PSD3: variants seen among roughly 807,000 people sequenced by gnomAD.
PSD3 encodes the protein PH and SEC7 domain-containing protein 3.
A neutral mutation model predicts 105.5 loss-of-function variants in PSD3; 49 were observed. The observed-to-expected ratio is 0.46, with a 90% CI of 0.37 to 0.59. The LOEUF (loss-of-function observed/expected upper bound fraction) is 0.59. Ranked by LOEUF, PSD3 falls within the 20% of genes least tolerant of loss-of-function variation. The pLI, the probability that PSD3 is intolerant of heterozygous loss-of-function variation, is 0.00. For missense variants in PSD3, 1,561 were observed against 1,263.8 expected (o/e 1.24, Z -3.57); for synonymous variants, 557 against 457.8 (o/e 1.22, Z -2.77).
chr8:18,673,042 T>A (rs368220304), intron 9 of PSD3, among the ~76,000 whole-genome samples: 2 of 152,220 alleles, frequency 1.3e-5, no homozygotes, highest in South Asian at 2.1e-4. Flanking sequence ...AGGTATGTAA[T>A]ACAAATAATC....
intron 9 of PSD3, among the ~76,000 whole-genome samples, chr8:18,705,977 T>C (rs1801873193): frequency 6.6e-6 from 1 of 152,236 alleles, no homozygotes; most frequent in South Asian, 2.1e-4. Flanking sequence ...TCCATTGATG[T>C]TGACCACACC....
intron 10 of PSD3, among the ~76,000 whole-genome samples, chr8:18,652,303 G>C (rs1808547274): frequency 6.6e-6 from 1 of 152,054 alleles, no homozygotes; most frequent in Non-Finnish European, 1.5e-5. Context: ...TTTTAAGAGT[G>C]AATTGCAATT....
intron 9 of PSD3, among the ~76,000 whole-genome samples, chr8:18,676,693 A>C (rs923073403): frequency 1.3e-5 from 2 of 152,116 alleles, no homozygotes; most frequent in East Asian, 3.9e-4. Context: ...CGCATACCCT[A>C]CCCCTCTTTT....
intron 10 of PSD3, among the ~76,000 whole-genome samples, chr8:18,645,957 T>G (rs1808007289): frequency 6.6e-6 from 1 of 152,138 alleles, no homozygotes; most frequent in Non-Finnish European, 1.5e-5. Context: ...CACACTCAAA[T>G]TAAATTTTTG....
At chr8:18,931,515 T>C (rs368975890) in intron 2 of PSD3, among the ~76,000 whole-genome samples, 24 of 152,280 alleles carry the variant, frequency 1.6e-4, no homozygotes, top group African/African-American at 5.5e-4. Flanking sequence ...AAAAGAAAAT[T>C]AACATTTTAA....
intron 12 of PSD3, among the ~76,000 whole-genome samples, chr8:18,581,707 G>C (rs1297809477): frequency 2.0e-5 from 3 of 152,150 alleles, no homozygotes; most frequent in Admixed American, 6.5e-5. Flanking sequence ...GATTTTAAGA[G>C]TCCACTAGCC....
At chr8:19,064,064 C>T (rs1828991401) in intron 1 of PSD3, among the ~76,000 whole-genome samples, 2 of 152,048 alleles carry the variant, frequency 1.3e-5, no homozygotes, top group South Asian at 2.1e-4. Flanking sequence ...TCACTTGAAC[C>T]TGGGAGGCAG....
chr8:18,948,864 GAGAA>G (rs1211786451), intron 1 of PSD3, among the ~76,000 whole-genome samples: 10 of 124,590 alleles, frequency 8.0e-5, no homozygotes, highest in African/African-American at 2.7e-4. Flanking sequence ...TGGGAATCAT[GAGAA>G]GTAAGTGTCT....
intron 9 of PSD3, among the ~76,000 whole-genome samples, chr8:18,668,000 C>G (rs1042240213): frequency 1.3e-5 from 2 of 152,202 alleles, no homozygotes; most frequent in African/African-American, 4.8e-5. Context: ...GGAAGCCACA[C>G]CCACCAAGAA....
At chr8:19,017,251 T>C (rs1220771594), upstream of PSD3, among the ~76,000 whole-genome samples, 1 of 151,936 alleles carries the variant, frequency 6.6e-6, no homozygotes, top group Non-Finnish European at 1.5e-5. Context: ...GGTCTCCCTA[T>C]ATGGCTAGGC....
chr8:18,670,076 T>C (rs546655722), intron 9 of PSD3, among the ~76,000 whole-genome samples: 6 of 152,210 alleles, frequency 3.9e-5, no homozygotes, highest in Non-Finnish European at 7.4e-5. Flanking sequence ...CAGATAATTA[T>C]TATAAGGTGA....
chr8:18,810,013 A>G (rs1179858939), intron 4 of PSD3, among the ~76,000 whole-genome samples: 1 of 152,106 alleles, frequency 6.6e-6, no homozygotes, highest in Non-Finnish European at 1.5e-5. Flanking sequence ...GGCCTTTTCC[A>G]AGCTGACCCC....
chr8:18,528,639 G>A lies in PSD3; in HGVS notation c.*7104C>T, dbSNP rs574551941. 1 of 152,564 alleles carries A rather than the reference G, an allele frequency of 6.6e-6. No individual in the cohort carries two copies. Among genetic ancestry groups the A allele is most frequent in the South Asian group, 2.1e-4 (1 of 4,820 alleles). 9.5% of individuals were successfully genotyped at this position (152,564 alleles called of 1,614,324 possible). A position where few individuals can be genotyped will look rare whatever the true frequency, so the allele number is the denominator to read the frequency against. On this transcript the variant is annotated 3_prime_UTR_variant, in exon 16 of 16. Transcript: ENST00000327040. Reference sequence around the variant, plus strand: ...ATGTGTTATCACCACTCTCTGCAGGGCTCTGGTGTTCAGGACTCAGAGCAG... The same window carrying A: ...ATGTGTTATCACCACTCTCTGCAGGACTCTGGTGTTCAGGACTCAGAGCAG...
At chr8:18,634,473 T>C (rs1029904997) in intron 10 of PSD3, among the ~76,000 whole-genome samples, 1 of 152,086 alleles carries the variant, frequency 6.6e-6, no homozygotes, top group Non-Finnish European at 1.5e-5. Context: ...TTAACGTAAG[T>C]TTAATACAAT....
At chr8:18,860,147 G>A (rs77096555) in intron 4 of PSD3, among the ~76,000 whole-genome samples, 2,924 of 152,196 alleles carry the variant, frequency 0.019, 31 homozygotes, top group Middle Eastern at 0.044. Flanking sequence ...CAGGCAATAG[G>A]GAGGCCCGAG....
At chr8:18,827,359 T>G (rs1342413320) in intron 4 of PSD3, among the ~76,000 whole-genome samples, 2 of 152,110 alleles carry the variant, frequency 1.3e-5, no homozygotes, top group Admixed American at 6.5e-5. Flanking sequence ...CAGAGACGTG[T>G]AAGACTGAAT....
intron 9 of PSD3, among the ~76,000 whole-genome samples, chr8:18,661,632 G>A (rs887960392): frequency 1.4e-4 from 21 of 152,116 alleles, no homozygotes; most frequent in South Asian, 6.2e-4. Flanking sequence ...TGCCCCCTCC[G>A]CACCAGTGGA....
In PSD3 at chr8:19,076,571, T is replaced by G. The variant is rs955599473; in HGVS notation, c.324+7635A>C. Among the ~76,000 whole-genome samples, 31 of 152,092 alleles carry G rather than the reference T, an allele frequency of 2.0e-4. 1 individual carries two copies. Among genetic ancestry groups the G allele is most frequent in the Admixed American group, 1.6e-3 (24 of 15,272 alleles). ...TTGGGTACCAGCAGCAAGATTAGAG[T>G]GATTACTTATATTATCAGATTAAAT... On this transcript the variant is annotated intron_variant, in intron 1 of 1. Coordinates refer to the PSD3 transcript ENST00000521475.
intron 14 of PSD3, among the ~76,000 whole-genome samples, chr8:18,561,970 T>G (rs918607663): frequency 1.3e-5 from 2 of 152,040 alleles, no homozygotes. Context: ...AAGATTTACA[T>G]AGTACTTATC....
Sources: gnomAD v4.1 joint callset for allele counts (sites outside exome capture counted in the v4.1 genomes callset) on GRCh38, gnomAD v4.1.1 for gene constraint, MANE v1.5 for transcripts, NCBI Gene and HGNC (gene_info 2026-07-23, HGNC 2026-07-21) for gene names.